The following KCNH8 variants were observed in gnomAD, a reference collection of about 807,000 sequenced individuals.
KCNH8 encodes potassium voltage-gated channel subfamily H member 8.
A neutral mutation model predicts 103.6 loss-of-function variants in KCNH8; 70 were observed. That is an observed-to-expected ratio of 0.68 (90% CI 0.56 to 0.82). The LOEUF is 0.82. Among genes scored for constraint, KCNH8 ranks in the 40% least tolerant of loss-of-function variants. The pLI is 0.00. For synonymous variants in KCNH8, 498 were observed against 489.4 expected (o/e 1.02, Z -0.23); for missense variants, 1,217 against 1,329.9 (o/e 0.92, Z 1.32).
chr3:19,520,414 T>C (rs1484373587), intron 15 of KCNH8, among the ~76,000 whole-genome samples: 1 of 152,034 alleles, frequency 6.6e-6, no homozygotes, highest in African/African-American at 2.4e-5. Flanking sequence ...ATTTAATTTA[T>C]ACACAGTTTT....
chr3:19,151,500 C>CTAAT lies in KCNH8; in HGVS notation c.76+2706_76+2709dup, dbSNP rs1324668262. ...ACAACAACCCTGGCAAACTGCCTTG[C>CTAAT]TAATGTACCCAACATGCAGTATTAT... On this transcript the variant is annotated intron_variant, in intron 1 of 15. Transcript: ENST00000328405. 9.9e-5 allele frequency among the ~76,000 whole-genome samples: 15 copies of CTAAT among 152,066 alleles called. No homozygotes were observed. The South Asian group carries it at 3.1e-3, about 32-fold the overall frequency.
chr3:19,460,316 CCAA>C (rs1250893094), intron 11 of KCNH8, among the ~76,000 whole-genome samples: 3 of 152,114 alleles, frequency 2.0e-5, no homozygotes, highest in Non-Finnish European at 4.4e-5. Context: ...CTCCATCTCC[CCAA>C]CACCACGTGA....
intron 10 of KCNH8, among the ~76,000 whole-genome samples, chr3:19,455,994 A>C (rs934835910): frequency 4.6e-5 from 7 of 152,096 alleles, no homozygotes; most frequent in Admixed American, 2.0e-4. Context: ...TCCAACTTTG[A>C]GTTTTGAGCA....
intron 5 of KCNH8, among the ~76,000 whole-genome samples, chr3:19,385,853 GC>G (rs2125127733): frequency 1.3e-5 from 2 of 152,076 alleles, no homozygotes; most frequent in South Asian, 4.2e-4. Context: ...ATATCTCTCC[GC>G]CCACACTGTA....
intron 3 of KCNH8, among the ~76,000 whole-genome samples, chr3:19,308,765 TCTCCCTCC>T (rs1559470242): frequency 1.1e-5 from 1 of 86,984 alleles, no homozygotes; most frequent in Non-Finnish European, 2.1e-5. Flanking sequence ...TCTCTCCCTC[TCTCCCTCC>T]CTCTCTCTCT....
intron 3 of KCNH8, among the ~76,000 whole-genome samples, chr3:19,317,088 G>A (rs892837054): frequency 2.0e-5 from 3 of 151,568 alleles, no homozygotes; most frequent in Admixed American, 6.6e-5. Flanking sequence ...TCAAGATATG[G>A]CCAAGATTTT....
chr3:19,475,667 T>TC (rs2067958971), intron 11 of KCNH8, among the ~76,000 whole-genome samples: 1 of 152,056 alleles, frequency 6.6e-6, no homozygotes, highest in African/African-American at 2.4e-5. Context: ...GAATAATTTC[T>TC]CCCCCATGGA....
chr3:19,321,864 C>T (rs769962405), intron 3 of KCNH8, among the ~76,000 whole-genome samples: 3 of 151,668 alleles, frequency 2.0e-5, no homozygotes, highest in African/African-American at 7.3e-5. Flanking sequence ...GGAGCTCCAG[C>T]GTTAGGTGCA....
intron 3 of KCNH8, among the ~76,000 whole-genome samples, chr3:19,330,908 A>T (rs1158178336): frequency 6.6e-6 from 1 of 152,134 alleles, no homozygotes; most frequent in Non-Finnish European, 1.5e-5. Flanking sequence ...ATTCCATCAA[A>T]CATTTTCTCA....
chr3:19,155,513 T>A (rs1046628372), intron 1 of KCNH8, among the ~76,000 whole-genome samples: 1 of 152,208 alleles, frequency 6.6e-6, no homozygotes, highest in Non-Finnish European at 1.5e-5. Flanking sequence ...GTAACACTCC[T>A]GCTTAGAGCC....
Position 19,355,583 on chromosome 3 carries a change from G to A in KCNH8, c.811+7618G>A, listed in dbSNP as rs369315306. On this transcript the variant is annotated intron_variant, in intron 5 of 15. Coordinates refer to ENST00000328405, the MANE Select transcript of KCNH8 (RefSeq NM_144633.3). The stretch of plus-strand genomic sequence containing the variant: ...AAAGGATGAGTTCATGTCCTTTGTA[G>A]GGACATGGATGAAGCTAGAAACCAT... Among the ~76,000 whole-genome samples, 4 of 152,142 alleles carry A rather than the reference G, an allele frequency of 2.6e-5. No individual in the cohort carries two copies. In the East Asian group the frequency reaches 5.8e-4, roughly 22 times the overall value.
At chr3:19,187,754 T>C (rs1483930938) in intron 1 of KCNH8, among the ~76,000 whole-genome samples, 1 of 152,120 alleles carries the variant, frequency 6.6e-6, no homozygotes, top group Admixed American at 6.6e-5. Context: ...AGTGTTTTCA[T>C]TTTATTAAAT....
At chr3:19,258,329 A>G (rs2064372846) in intron 2 of KCNH8, among the ~76,000 whole-genome samples, 1 of 152,002 alleles carries the variant, frequency 6.6e-6, no homozygotes, top group Non-Finnish European at 1.5e-5. Flanking sequence ...TAAGCCACTG[A>G]TTCTCTGTGG....
At chr3:19,176,889 A>T (rs1018366379) in intron 1 of KCNH8, among the ~76,000 whole-genome samples, 2 of 152,162 alleles carry the variant, frequency 1.3e-5, no homozygotes, top group African/African-American at 4.8e-5. Context: ...GGTCACAATA[A>T]TTTTGTCAAA....
At chr3:19,500,999 G>GA (rs2068570093) in intron 11 of KCNH8, among the ~76,000 whole-genome samples, 1 of 151,848 alleles carries the variant, frequency 6.6e-6, no homozygotes, top group Admixed American at 6.6e-5. Flanking sequence ...CTGGTTTTTT[G>GA]AAAGGATCAA....
rs151092572 is a variant in KCNH8 at position 19,465,701 on chromosome 3, A to G, written c.2040+8719A>G. On this transcript the variant is annotated intron_variant, in intron 11 of 15. Coordinates refer to ENST00000328405, the MANE Select transcript of KCNH8 (RefSeq NM_144633.3). ...TGGCATTCTAGATGCCATTAAGAATATGTGTGATTCCTGGGAGGAGGTCCA... is the reference window on the plus strand; with the variant it reads ...TGGCATTCTAGATGCCATTAAGAATGTGTGTGATTCCTGGGAGGAGGTCCA... Among the ~76,000 whole-genome samples the G allele has an allele frequency of 2.1e-3, 317 of 151,632 alleles. 1 individual carries two copies. The highest frequency in any genetic ancestry group is 6.5e-3 in the African/African-American group (268 of 41,306).
intron 10 of KCNH8, among the ~76,000 whole-genome samples, chr3:19,452,921 A>G (rs866156638): frequency 6.6e-5 from 10 of 152,316 alleles, no homozygotes; most frequent in African/African-American, 2.2e-4. Context: ...TCACAGCACT[A>G]TTTATGATAT....
intron 15 of KCNH8, among the ~76,000 whole-genome samples, chr3:19,531,457 G>A (rs2069159711): frequency 6.6e-6 from 1 of 152,182 alleles, no homozygotes; most frequent in South Asian, 2.1e-4. Flanking sequence ...TCTTAAATGT[G>A]AGGCTGAGAG....
intron 3 of KCNH8, among the ~76,000 whole-genome samples, chr3:19,329,514 G>T (rs1381293459): frequency 3.3e-5 from 5 of 151,748 alleles, no homozygotes; most frequent in South Asian, 2.1e-4. Flanking sequence ...ATTTTTCTAG[G>T]TTTTTTTCCT....
Sources: gnomAD v4.1 joint callset for allele counts (sites outside exome capture counted in the v4.1 genomes callset) on GRCh38, gnomAD v4.1.1 for gene constraint, MANE v1.5 for transcripts, NCBI Gene and HGNC (gene_info 2026-07-23, HGNC 2026-07-21) for gene names.